SLC25A28: variants seen among roughly 807,000 people sequenced by gnomAD.
SLC25A28 encodes solute carrier family 25 member 28, also known as mitoferrin-2.
A neutral mutation model predicts 31.9 loss-of-function variants in SLC25A28; 10 were observed. The ratio of observed to expected loss-of-function variants is 0.31; its 90% CI spans 0.19 to 0.53. The LOEUF is 0.53. Among genes scored for constraint, SLC25A28 ranks in the 20% least tolerant of loss-of-function variants. The pLI, the probability that SLC25A28 is intolerant of heterozygous loss-of-function variation, is 0.95. For missense variants in SLC25A28, 256 were observed against 490.3 expected (o/e 0.52, Z 4.51); for synonymous variants, 208 against 203.6 (o/e 1.02, Z -0.19).
chr10:99,626,039 G>T, the SLC25A28 span, among the ~76,000 whole-genome samples: 1 of 152,192 alleles, frequency 6.6e-6, no homozygotes, highest in Non-Finnish European at 1.5e-5. Flanking sequence ...TCCTTAGAAT[G>T]CATTTCCCCC....
At chr10:99,622,766 A>G (rs1331419074), upstream of SLC25A28, 1 of 939,226 alleles carries the variant, frequency 1.1e-6, no homozygotes, top group East Asian at 1.2e-4. Context: ...ACCTTAGAGA[A>G]CTTTGCCATT....
rs1030186363 is a variant in SLC25A28 at position 99,613,165 on chromosome 10, C to A, written c.520+531G>T. On this transcript the variant is annotated intron_variant, in intron 2 of 3. Transcript: ENST00000370495. The surrounding 1 kb of genome is among the most constrained non-coding windows in gnomAD (Gnocchi z 4.9). ...TGCTATCCTTTCTCTTACTTCCACA[C>A]AACCTTCTGGTTTCTTCATGCAGTT... Among the ~76,000 whole-genome samples, 12 of 152,234 alleles carry A rather than the reference C, an allele frequency of 7.9e-5. No homozygotes were observed. The highest frequency in any genetic ancestry group is 2.7e-4 in the African/African-American group (11 of 41,468).
At chr10:99,624,211 C>G (rs995413089), upstream of SLC25A28, among the ~76,000 whole-genome samples, 1 of 131,856 alleles carries the variant, frequency 7.6e-6, no homozygotes, top group Non-Finnish European at 1.6e-5. Context: ...TTGTTTCTTT[C>G]TTTCTTTTTC....
rs2034500543 is a variant in SLC25A28 at position 99,610,732 on chromosome 10, G to T, written c.*117C>A. The T allele has an allele frequency of 1.5e-6, 2 of 1,328,172 alleles. No homozygotes were observed. Among genetic ancestry groups the T allele is most frequent in the Admixed American group, 2.2e-5 (1 of 44,938 alleles). The allele number at this position is 1,328,172 out of a possible 1,614,324, so 82.3% of individuals were successfully genotyped here. ...TTAGTCAAAACACCAAAATCCTGGG[G>T]GAGAGCCCCTCTACCTTCCTTCTAA... On this transcript the variant is annotated 3_prime_UTR_variant, in exon 4 of 4. Coordinates refer to ENST00000370495, the MANE Select transcript of SLC25A28 (RefSeq NM_031212.4).
chr10:99,655,181 C>T, the SLC25A28 span, among the ~76,000 whole-genome samples: 23 of 151,996 alleles, frequency 1.5e-4, no homozygotes, highest in African/African-American at 5.3e-4. Flanking sequence ...CGGAGTATGG[C>T]GGTGTGCGCC....
chr10:99,629,888 A>G, the SLC25A28 span, among the ~76,000 whole-genome samples: 3 of 152,186 alleles, frequency 2.0e-5, no homozygotes, highest in Admixed American at 1.3e-4. Context: ...AAAATGGTTA[A>G]TTTGGCCCGG....
chr10:99,610,756 A>C lies in SLC25A28; in HGVS notation c.*93T>G. 316 of 1,481,028 alleles carry C rather than the reference A, an allele frequency of 2.1e-4. No homozygotes were observed. The highest frequency in any genetic ancestry group is 2.6e-4 in the Non-Finnish European group (287 of 1,094,464). The allele number at this position is 1,481,028 out of a possible 1,614,324, so 91.7% of individuals were successfully genotyped here. A position where few individuals can be genotyped will look rare whatever the true frequency, so the allele number is the denominator to read the frequency against. Reference sequence around the variant, plus strand: ...GGGAGAGCCCCTCTACCTTCCTTCTAACTCCACTTGAGGTGGGAGCATTCC... The same window carrying C: ...GGGAGAGCCCCTCTACCTTCCTTCTCACTCCACTTGAGGTGGGAGCATTCC... On this transcript the variant is annotated 3_prime_UTR_variant, in exon 4 of 4. Transcript: ENST00000370495.
At chr10:99,651,257 C>T in the SLC25A28 span, among the ~76,000 whole-genome samples, 3 of 152,184 alleles carry the variant, frequency 2.0e-5, no homozygotes, top group Non-Finnish European at 4.4e-5. Context: ...GCACATACTA[C>T]CTGTGTCTAG....
At chr10:99,630,723 A>G in the SLC25A28 span, among the ~76,000 whole-genome samples, 1 of 152,216 alleles carries the variant, frequency 6.6e-6, no homozygotes, top group African/African-American at 2.4e-5. Flanking sequence ...TAAAAGATGC[A>G]TAAATCCACG....
chr10:99,624,740 T>A (rs2034852801), upstream of SLC25A28, among the ~76,000 whole-genome samples: 1 of 151,902 alleles, frequency 6.6e-6, no homozygotes, highest in African/African-American at 2.4e-5. Context: ...GAGGCTGAGG[T>A]GGGAGAATCA....
chr10:99,613,049 TAC>T lies in SLC25A28; in HGVS notation c.521-452_521-451del, dbSNP rs1214749082. On this transcript the variant is annotated intron_variant, in intron 2 of 3. Coordinates refer to ENST00000370495, the MANE Select transcript of SLC25A28 (RefSeq NM_031212.4). This position sits in a 1 kb window ranked among gnomAD's most constrained non-coding sequence, Gnocchi z 4.9. ...CCATTTGCAGAGCCTAACATTTGTCTACAAAGATCTTTCGTTCAGGTCCTGAA... is the reference window on the plus strand; with the variant it reads ...CCATTTGCAGAGCCTAACATTTGTCTAAAGATCTTTCGTTCAGGTCCTGAA... Among the ~76,000 whole-genome samples, 1 of 152,198 alleles carries T rather than the reference TAC, an allele frequency of 6.6e-6. No individual in the cohort carries two copies. Among genetic ancestry groups the T allele is most frequent in the African/African-American group, 2.4e-5 (1 of 41,448 alleles).
At chr10:99,639,915 C>T in the SLC25A28 span, among the ~76,000 whole-genome samples, 2 of 151,904 alleles carry the variant, frequency 1.3e-5, no homozygotes, top group Non-Finnish European at 2.9e-5. Context: ...TGTGTGTACC[C>T]AGCAGTATGT....
chr10:99,612,654 T>C (rs880568), intron 2 of SLC25A28, 55 bp from the exon 3 acceptor site: 1,397,956 of 1,607,234 alleles, frequency 0.87, 608,909 homozygotes, highest in Middle Eastern at 0.91. Flanking sequence ...GACCAACTCA[T>C]TGAGGTCCCC....
At chr10:99,648,526 T>C in the SLC25A28 span, among the ~76,000 whole-genome samples, 59 of 152,296 alleles carry the variant, frequency 3.9e-4, no homozygotes, top group African/African-American at 1.4e-3. Flanking sequence ...ATTGAATCTG[T>C]AGATTACTTT....
In SLC25A28 at chr10:99,613,570, C is replaced by T. The variant is rs1589993916; in HGVS notation, c.520+126G>A. Reference sequence around the variant, plus strand: ...GAACATCAGGTTTGGAAGTCCCTCCCTTATAATCTGGCCTATCCCAGCCCA... The same window carrying T: ...GAACATCAGGTTTGGAAGTCCCTCCTTTATAATCTGGCCTATCCCAGCCCA... On this transcript the variant is annotated intron_variant, in intron 2 of 3. Transcript: ENST00000370495. This position sits in a 1 kb window ranked among gnomAD's most constrained non-coding sequence, Gnocchi z 4.9. 6.5e-7 allele frequency: 1 copy of T among 1,530,252 alleles called. No homozygotes were observed. Among genetic ancestry groups the T allele is most frequent in the Non-Finnish European group, 8.8e-7 (1 of 1,139,498 alleles). The allele number at this position is 1,530,252 out of a possible 1,614,324, so 94.8% of individuals were successfully genotyped here. A position where few individuals can be genotyped will look rare whatever the true frequency, so the allele number is the denominator to read the frequency against.
chr10:99,628,032 A>C, the SLC25A28 span, among the ~76,000 whole-genome samples: 1 of 152,242 alleles, frequency 6.6e-6, no homozygotes, highest in Admixed American at 6.5e-5. Context: ...CTATTATCAA[A>C]GAATACATTG....
At chr10:99,650,789 T>G in the SLC25A28 span, among the ~76,000 whole-genome samples, 1 of 152,026 alleles carries the variant, frequency 6.6e-6, no homozygotes, top group Non-Finnish European at 1.5e-5. Flanking sequence ...CAGGGGTGTG[T>G]GAGAGCACTT....
the SLC25A28 span, among the ~76,000 whole-genome samples, chr10:99,634,121 C>A: frequency 6.6e-6 from 1 of 152,202 alleles, no homozygotes; most frequent in Admixed American, 6.5e-5. Context: ...CAAGGGAATG[C>A]CCTGTGTGAC....
the SLC25A28 span, among the ~76,000 whole-genome samples, chr10:99,657,137 A>C: frequency 1.3e-5 from 2 of 152,216 alleles, no homozygotes; most frequent in Admixed American, 1.3e-4. Context: ...TTGAATTATA[A>C]GTTAATATAG....
Sources: gnomAD v4.1 joint callset for allele counts (sites outside exome capture counted in the v4.1 genomes callset) on GRCh38, gnomAD v4.1.1 for gene constraint, Gnocchi (gnomAD v3.1) non-coding constraint, MANE v1.5 for transcripts, NCBI Gene and HGNC (gene_info 2026-07-23, HGNC 2026-07-21) for gene names.